Variants in DNER observed in about 807,000 individuals in gnomAD.
DNER encodes the protein delta/notch like EGF repeat containing.
A neutral mutation model predicts 78.2 loss-of-function variants in DNER; 33 were observed. That is an observed-to-expected ratio of 0.42 (90% CI 0.32 to 0.56). The LOEUF (loss-of-function observed/expected upper bound fraction) is 0.56, where lower values mean the gene tolerates loss of function less well. Ranked by LOEUF, DNER falls within the 20% of genes least tolerant of loss-of-function variation. The pLI, the probability that DNER is intolerant of heterozygous loss-of-function variation, is 0.11. For missense variants in DNER, 918 were observed against 975.3 expected (o/e 0.94, Z 0.78); for synonymous variants, 417 against 384.8 (o/e 1.08, Z -0.98).
At chr2:229,603,738 G>A (rs1452856889) in intron 1 of DNER, among the ~76,000 whole-genome samples, 1 of 151,382 alleles carries the variant, frequency 6.6e-6, no homozygotes, top group Non-Finnish European at 1.5e-5. Flanking sequence ...ACATATTTTG[G>A]GGGGGTGCTT....
chr2:229,675,508 C>A (rs1699286924), intron 1 of DNER, among the ~76,000 whole-genome samples: 2 of 152,220 alleles, frequency 1.3e-5, no homozygotes, highest in African/African-American at 4.8e-5. Flanking sequence ...CTTAAGGTAG[C>A]ACAAAGCACA....
intron 4 of DNER, among the ~76,000 whole-genome samples, chr2:229,579,261 T>G (rs1001190785): frequency 6.6e-6 from 1 of 152,118 alleles, no homozygotes; most frequent in South Asian, 2.1e-4. Flanking sequence ...TCTTGGGCAC[T>G]TGTCTAAGCT....
chr2:229,428,820 G>A (rs1042527313), intron 8 of DNER, among the ~76,000 whole-genome samples: 1 of 152,128 alleles, frequency 6.6e-6, no homozygotes, highest in Admixed American at 6.6e-5. Flanking sequence ...CAGAGGTGGA[G>A]GGAGGGCAGA....
rs1031927474 is a variant in DNER, at chr2:229,591,467, T to C, written c.585+113A>G. ...AATAAGTTTAGGGAGATATTTTGCT[T>C]CGTGATTTAACTTAAAATGCTTTCA... On this transcript the variant is annotated intron_variant, in intron 2 of 12. Transcript: ENST00000341772. The surrounding 1 kb of genome is among the most constrained non-coding windows in gnomAD (Gnocchi z 4.6). 1.8e-5 allele frequency: 23 copies of C among 1,305,922 alleles called. No individual in the cohort carries two copies. Among genetic ancestry groups the C allele is most frequent in the Middle Eastern group, 1.9e-4 (1 of 5,238 alleles). The allele number at this position is 1,305,922 out of a possible 1,614,324, so 80.9% of individuals were successfully genotyped here. A position where few individuals can be genotyped will look rare whatever the true frequency, so the allele number is the denominator to read the frequency against.
At chr2:229,712,618 G>A (rs76362200) in intron 1 of DNER, among the ~76,000 whole-genome samples, 12,240 of 152,138 alleles carry the variant, frequency 0.08, 663 homozygotes, top group Non-Finnish European at 0.11. Flanking sequence ...CAATCCACAG[G>A]GAAAATTAGC....
chr2:229,446,357 GATATTGT>G (rs1203613042), intron 8 of DNER, among the ~76,000 whole-genome samples: 1 of 152,202 alleles, frequency 6.6e-6, no homozygotes, highest in African/African-American at 2.4e-5. Flanking sequence ...CCACAAAAGT[GATATTGT>G]AGGTGACTGT....
intron 1 of DNER, among the ~76,000 whole-genome samples, chr2:229,659,336 G>C (rs1479680299): frequency 6.6e-6 from 1 of 152,068 alleles, no homozygotes; most frequent in African/African-American, 2.4e-5. Context: ...AGTGCAAAAA[G>C]AATGACTCCC....
Position 229,489,474 on chromosome 2 carries a change from C to G in DNER, c.1148-12221G>C, listed in dbSNP as rs574883698. On this transcript the variant is annotated intron_variant, in intron 6 of 12. Transcript: ENST00000341772. ...GGATCAAAAGGAGGCAGAGAGAGGCCGGCAACATGACTGGGTGGGTGTGGG... is the reference window on the plus strand; with the variant it reads ...GGATCAAAAGGAGGCAGAGAGAGGCGGGCAACATGACTGGGTGGGTGTGGG... Among the ~76,000 whole-genome samples, 20 of 145,954 alleles carry G rather than the reference C, an allele frequency of 1.4e-4. 1 individual carries two copies. Among genetic ancestry groups the G allele is most frequent in the Admixed American group, 9.7e-4 (14 of 14,396 alleles).
intron 6 of DNER, among the ~76,000 whole-genome samples, chr2:229,490,615 G>A (rs1226588987): frequency 6.6e-6 from 1 of 152,136 alleles, no homozygotes; most frequent in African/African-American, 2.4e-5. Flanking sequence ...TAGCTAAAGG[G>A]TAGAGGGCCT....
At chr2:229,626,334 A>C (rs546218635) in intron 1 of DNER, among the ~76,000 whole-genome samples, 1 of 152,364 alleles carries the variant, frequency 6.6e-6, no homozygotes, top group African/African-American at 2.4e-5. Flanking sequence ...CATTACATGC[A>C]ACTCCGAACA....
In DNER at chr2:229,557,988, C is replaced by T. The variant is rs575418565; in HGVS notation, c.848-10896G>A. Among the ~76,000 whole-genome samples the T allele has an allele frequency of 2.6e-5, 4 of 152,218 alleles. No homozygotes were observed. In the East Asian group the frequency reaches 7.7e-4, roughly 29 times the overall value. On this transcript the variant is annotated intron_variant, in intron 4 of 12. Transcript: ENST00000341772. ...ACATGAAATCAGCCTAAATGCTCAT[C>T]AATGATAAACTGGATAAAGAAAATG...
At chr2:229,610,789 G>C (rs1424276480) in intron 1 of DNER, among the ~76,000 whole-genome samples, 1 of 152,218 alleles carries the variant, frequency 6.6e-6, no homozygotes, top group African/African-American at 2.4e-5. Context: ...CAGCTTCCAA[G>C]TCTGTCAAAT....
chr2:229,658,946 C>G (rs182959337), intron 1 of DNER, among the ~76,000 whole-genome samples: 7 of 152,248 alleles, frequency 4.6e-5, no homozygotes, highest in African/African-American at 1.7e-4. Context: ...AGCCAGGTTT[C>G]TACTGAAAGA....
chr2:229,610,578 C>G (rs1466049294), intron 1 of DNER, among the ~76,000 whole-genome samples: 1 of 152,182 alleles, frequency 6.6e-6, no homozygotes, highest in Non-Finnish European at 1.5e-5. Context: ...GAAGATCAGT[C>G]ACCAGGACTG....
At chr2:229,682,693 C>G (rs547865379) in intron 1 of DNER, among the ~76,000 whole-genome samples, 25 of 152,082 alleles carry the variant, frequency 1.6e-4, no homozygotes, top group Admixed American at 2.6e-4. Flanking sequence ...ACTAAAAATA[C>G]AAAAATTAGC....
rs188385716 is a variant in DNER at position 229,655,628 on chromosome 2, G to C, written c.276+58520C>G. Among the ~76,000 whole-genome samples the C allele has an allele frequency of 2.8e-3, 429 of 152,294 alleles. 1 individual carries two copies. Among genetic ancestry groups the C allele is most frequent in the Non-Finnish European group, 5.0e-3 (337 of 68,024 alleles). On this transcript the variant is annotated intron_variant, in intron 1 of 12. Transcript: ENST00000341772. ...GAAACTAAGAGATGTATTAAGAGTA[G>C]ACTGAACGGTGACCACCCCCACAAA...
Position 229,367,088 on chromosome 2 carries a change from C to T in DNER, c.1887G>A (p.Glu629=), listed in dbSNP as rs1208240046. Reference sequence around the variant, plus strand: ...AGTGCCGTGGCATGTTGGTGAGGCTCTCCGCCATGTGCCCGGACTTCCATT... The same window carrying T: ...AGTGCCGTGGCATGTTGGTGAGGCTTTCCGCCATGTGCCCGGACTTCCATT... ...HLQWKSGHMA[E]SLTNMPRHSL... The change falls in exon 12 of 13, where the codon GAG becomes GAA. Residue 629 remains glutamate (E), a synonymous_variant. Coordinates refer to ENST00000341772, the MANE Select transcript of DNER (RefSeq NM_139072.4). 2 of 1,614,114 alleles carry T rather than the reference C, an allele frequency of 1.2e-6. No individual in the cohort carries two copies. The highest frequency in any genetic ancestry group is 1.6e-4 in the Middle Eastern group (1 of 6,062).
intron 1 of DNER, among the ~76,000 whole-genome samples, chr2:229,599,588 T>C (rs1697789936): frequency 1.3e-5 from 2 of 152,210 alleles, no homozygotes; most frequent in Non-Finnish European, 2.9e-5. Flanking sequence ...TCATCTCTGA[T>C]TGAGACCACT....
At chr2:229,540,865 T>C (rs1423898020) in intron 5 of DNER, among the ~76,000 whole-genome samples, 1 of 152,208 alleles carries the variant, frequency 6.6e-6, no homozygotes, top group African/African-American at 2.4e-5. Context: ...CCTAATAGAT[T>C]AAGGATGGTG....
Sources: gnomAD v4.1 joint callset for allele counts (sites outside exome capture counted in the v4.1 genomes callset) on GRCh38, gnomAD v4.1.1 for gene constraint, Gnocchi (gnomAD v3.1) non-coding constraint, MANE v1.5 for transcripts, NCBI Gene and HGNC (gene_info 2026-07-23, HGNC 2026-07-21) for gene names.